TLE4: variants seen among roughly 807,000 people sequenced by gnomAD.
TLE4 encodes transducin-like enhancer protein 4.
TLE4 carries 8 observed loss-of-function variants against 92.8 expected under a neutral mutation model. The observed-to-expected ratio is 0.09, with a 90% CI of 0.05 to 0.16. The LOEUF is 0.16. Ranked by LOEUF, TLE4 falls within the 10% of genes least tolerant of loss-of-function variation. TLE4 has a pLI of 1.00. For missense variants in TLE4, 675 were observed against 997.6 expected, an observed-to-expected ratio of 0.68 and a Z score of 4.36; for synonymous variants, 371 against 374.1, an observed-to-expected ratio of 0.99 and a Z score of 0.10.
Position 79,722,510 on chromosome 9 carries a change from C to T in TLE4, c.2046C>T (p.Ser682=). The T allele has an allele frequency of 6.2e-7, 1 of 1,614,228 alleles. No individual in the cohort carries two copies. Among genetic ancestry groups the T allele is most frequent in the Non-Finnish European group, 8.5e-7 (1 of 1,180,044 alleles). The part of the protein sequence containing the change: ...GEWLAVGMEN[S]NVEVLHVTKP... ...GGCTTGCAGTGGGGATGGAGAACAG[C>T]AATGTGGAAGTTTTGCATGTCACCA... Residue 682 remains serine (S), a synonymous_variant, in exon 18 of 20, where the codon AGC becomes AGT. Transcript: ENST00000376552.
intron 15 of TLE4, among the ~76,000 whole-genome samples, chr9:79,719,845 G>C (rs1322989924): frequency 6.6e-6 from 1 of 152,162 alleles, no homozygotes; most frequent in African/African-American, 2.4e-5. Context: ...AAATATCTCA[G>C]TACTACATTT....
chr9:79,585,122 A>G (rs1226954243), intron 4 of TLE4, among the ~76,000 whole-genome samples: 1 of 152,170 alleles, frequency 6.6e-6, no homozygotes. Flanking sequence ...AAAATGTCTT[A>G]ATTTTTTTTA....
In TLE4 at chr9:79,575,857, A is replaced by G. The variant is rs573488247; in HGVS notation, c.208-276A>G. On this transcript the variant is annotated intron_variant, in intron 3 of 19. Transcript: ENST00000376552. Reference sequence around the variant, plus strand: ...ACCAAATTTTCATCAGACTTTTTTGATGCATCTGCTTGGGATGTATAAAGA... The same window carrying G: ...ACCAAATTTTCATCAGACTTTTTTGGTGCATCTGCTTGGGATGTATAAAGA... 50 of 285,382 alleles carry G rather than the reference A, an allele frequency of 1.8e-4. 1 individual carries two copies. The Admixed American group carries it at 2.3e-3, about 13-fold the overall frequency. The allele number at this position is 285,382 out of a possible 1,614,324, so 17.7% of individuals were successfully genotyped here.
At chr9:79,620,314 T>C (rs1015598574) in intron 5 of TLE4, among the ~76,000 whole-genome samples, 3 of 152,248 alleles carry the variant, frequency 2.0e-5, no homozygotes, top group Admixed American at 2.0e-4. Flanking sequence ...TTTCAAGTGC[T>C]CAGTATCCAC....
At chr9:79,599,361 G>C (rs2044974781) in intron 4 of TLE4, among the ~76,000 whole-genome samples, 1 of 152,154 alleles carries the variant, frequency 6.6e-6, no homozygotes, top group Admixed American at 6.5e-5. Flanking sequence ...CACCTGGGGA[G>C]CTTTAAAAAC....
chr9:79,601,759 G>A (rs1564292503), intron 4 of TLE4, among the ~76,000 whole-genome samples: 1 of 152,072 alleles, frequency 6.6e-6, no homozygotes, highest in Non-Finnish European at 1.5e-5. Context: ...AACCCTACAC[G>A]GGAGGGCCTC....
chr9:79,720,378 G>T, intron 16 of TLE4, 85 bp downstream of exon 16: 1 of 856,762 alleles, frequency 1.2e-6, no homozygotes, highest in Non-Finnish European at 1.7e-6. Context: ...ATAGGTATGG[G>T]TGTGTGTGTG....
At chr9:79,623,830 A>C (rs2051746262) in intron 5 of TLE4, among the ~76,000 whole-genome samples, 3 of 151,678 alleles carry the variant, frequency 2.0e-5, no homozygotes, top group Non-Finnish European at 2.9e-5. Context: ...TTGGCTTACT[A>C]ATATATTCTT....
rs554633232 is a variant in TLE4 at position 79,695,717 on chromosome 9, G to C, written c.610-9066G>C. On this transcript the variant is annotated intron_variant, in intron 8 of 19. Coordinates refer to ENST00000376552, the MANE Select transcript of TLE4 (RefSeq NM_007005.6). ...CACACAAGGGAGTGTGTTAGAGATC[G>C]GCTGGAGGGAGCTCCTTGGATAGCA... Among the ~76,000 whole-genome samples the C allele has an allele frequency of 1.2e-4, 18 of 152,262 alleles. No homozygotes were observed. In the East Asian group the frequency reaches 2.9e-3, roughly 24 times the overall value.
At chr9:79,596,627 T>G (rs2044091163) in intron 4 of TLE4, among the ~76,000 whole-genome samples, 1 of 147,170 alleles carries the variant, frequency 6.8e-6, no homozygotes, top group Non-Finnish European at 1.5e-5. Context: ...CTTTCTTAAT[T>G]GAGAGACAGA....
At chr9:79,681,988 C>T (rs2064791628) in intron 8 of TLE4, among the ~76,000 whole-genome samples, 1 of 151,810 alleles carries the variant, frequency 6.6e-6, no homozygotes, top group South Asian at 2.1e-4. Context: ...TTTGAACTTA[C>T]CTCACTGGTG....
chr9:79,638,342 GA>G (rs2056416771), intron 6 of TLE4, among the ~76,000 whole-genome samples: 1 of 152,142 alleles, frequency 6.6e-6, no homozygotes, highest in African/African-American at 2.4e-5. Context: ...TCTATCTTGA[GA>G]AAACCTTGTA....
At chr9:79,695,534 C>T (rs1047913890) in intron 8 of TLE4, among the ~76,000 whole-genome samples, 2 of 152,134 alleles carry the variant, frequency 1.3e-5, no homozygotes, top group Non-Finnish European at 2.9e-5. Context: ...AAGTTTTGTG[C>T]CCATTCATTT....
chr9:79,615,707 T>C (rs552948091), intron 5 of TLE4, among the ~76,000 whole-genome samples: 159 of 152,342 alleles, frequency 1.0e-3, no homozygotes, highest in Middle Eastern at 3.4e-3. Flanking sequence ...ACTTTTTCTT[T>C]TTAGAAATGA....
intron 5 of TLE4, among the ~76,000 whole-genome samples, chr9:79,623,855 T>TG (rs1322239402): frequency 6.6e-6 from 1 of 152,174 alleles, no homozygotes; most frequent in African/African-American, 2.4e-5. Context: ...GCATTTCATT[T>TG]GGTGGTACTG....
In TLE4 at chr9:79,696,252, G is replaced by A. The variant is rs192966165; in HGVS notation, c.610-8531G>A. On this transcript the variant is annotated intron_variant, in intron 8 of 19. Coordinates refer to ENST00000376552, the MANE Select transcript of TLE4 (RefSeq NM_007005.6). ...ATAGATGACCACAGTTAATTTTACT[G>A]TTATACATTTAAAAAAATCTGACTA... Among the ~76,000 whole-genome samples the A allele has an allele frequency of 8.5e-5, 13 of 152,254 alleles. No individual in the cohort carries two copies. In the East Asian group the frequency reaches 2.5e-3, roughly 29 times the overall value.
At chr9:79,669,771 GTT>G (rs2061970848) in intron 8 of TLE4, among the ~76,000 whole-genome samples, 1 of 152,164 alleles carries the variant, frequency 6.6e-6, no homozygotes, top group South Asian at 2.1e-4. Flanking sequence ...AATTTACTGA[GTT>G]TGTTAAAAGT....
chr9:79,601,489 G>T lies in TLE4; in HGVS notation c.253-11167G>T, dbSNP rs759117295. The T allele has an allele frequency of 7.5e-5, 34 of 454,180 alleles. No homozygotes were observed. In the East Asian group the frequency reaches 2.0e-3, roughly 27 times the overall value. The allele number at this position is 454,180 out of a possible 1,614,324, so 28.1% of individuals were successfully genotyped here. ...TCTTCCAATAGCCTGTGCTCACTTC[G>T]TGTCTCTGTGTCACATTTTGGTAAC... is the stretch of plus-strand genomic sequence containing the variant. On this transcript the variant is annotated intron_variant, in intron 4 of 19. Transcript: ENST00000376552.
rs1369635155 is a variant in TLE4 at position 79,704,809 on chromosome 9, T to C, written c.636T>C (p.Ser212=). The C allele has an allele frequency of 6.2e-7, 1 of 1,614,182 alleles. No homozygotes were observed. The highest frequency in any genetic ancestry group is 1.1e-5 in the South Asian group (1 of 91,082). Residue 212 remains serine (S), a synonymous_variant, in exon 9 of 20, where the codon AGT becomes AGC. Coordinates refer to ENST00000376552, the MANE Select transcript of TLE4 (RefSeq NM_007005.6). ...GCTCTTCAGTATCCCCATCAGCCAG[T>C]TTCCGAGGTGCTGAGAAGCACAGAA... ...IKSSSVSPSA[S]FRGAEKHRNS... is the part of the protein sequence containing the mutation.
Sources: allele counts gnomAD v4.1 joint callset (sites outside exome capture counted in the v4.1 genomes callset), GRCh38; gene constraint gnomAD v4.1.1; transcripts MANE v1.5; gene names NCBI Gene and HGNC (gene_info 2026-07-23, HGNC 2026-07-21).